The following TCF25 variants were observed in gnomAD, a reference collection of about 807,000 sequenced individuals.
The protein encoded by TCF25 is ribosome quality control complex subunit TCF25.
TCF25 carries 41 observed loss-of-function variants against 83.1 expected under a neutral mutation model. The ratio of observed to expected loss-of-function variants is 0.49; its 90% CI spans 0.38 to 0.64. The LOEUF (loss-of-function observed/expected upper bound fraction) is 0.64. Ranked by LOEUF, TCF25 falls within the 30% of genes least tolerant of loss-of-function variation. The pLI, the probability that TCF25 is intolerant of heterozygous loss-of-function variation, is 0.00. For missense variants in TCF25, 979 were observed against 914.5 expected (o/e 1.07, Z -0.91); for synonymous variants, 458 against 365.0 (o/e 1.25, Z -2.90).
intron 2 of TCF25, chr16:89,883,866 C>T (rs570542297): frequency 3.7e-4 from 82 of 219,782 alleles, no homozygotes; most frequent in Non-Finnish European, 1.2e-4. Context: ...AACTGTGCCC[C>T]GAACGTTTGC....
intron 1 of TCF25, 28 bp downstream of exon 1, chr16:89,873,887 GT>G: frequency 7.3e-6 from 11 of 1,498,740 alleles, no homozygotes; most frequent in Admixed American, 2.2e-5. Flanking sequence ...CCGGGTGGGG[GT>G]GGGGTGGCCC....
At position 89,910,668 on chromosome 16, in the gene TCF25, G is replaced by A. The variant is rs780154822; in HGVS notation, c.1872+5G>A. On this transcript the variant is annotated splice_donor_5th_base_variant and intron_variant, in intron 17 of 17. Coordinates refer to ENST00000263346, the MANE Select transcript of TCF25 (RefSeq NM_014972.3). ...TTGCCAAACTATACCATGGAGGTAG[G>A]TTGAGCTCGTCCCAGCCCCTGCCTC... 2 of 1,613,330 alleles carry A rather than the reference G, an allele frequency of 1.2e-6. No individual in the cohort carries two copies. Among genetic ancestry groups the A allele is most frequent in the African/African-American group, 1.3e-5 (1 of 75,076 alleles).
In TCF25 at chr16:89,896,056, G is replaced by T; in HGVS notation, c.995G>T (p.Arg332Leu). The T allele has an allele frequency of 6.2e-7, 1 of 1,613,780 alleles. No individual in the cohort carries two copies. Among genetic ancestry groups the T allele is most frequent in the Non-Finnish European group, 8.5e-7 (1 of 1,179,970 alleles). ...PLFSLTSGAC[R>L]LDYRRPENRS... ...TTCAGTCTCACCAGTGGGGCCTGCC[G>T]GCTGGATTACCGCAGACCCGAGAAC... The change falls in exon 9 of 18, where the codon CGG (arginine) becomes CTG (leucine). Residue 332 changes from arginine (R) to leucine (L), a missense_variant. Physicochemically the swap from Arg to Leu is moderately radical, Grantham distance 102. Coordinates refer to ENST00000263346, the MANE Select transcript of TCF25 (RefSeq NM_014972.3).
intron 6 of TCF25, among the ~76,000 whole-genome samples, chr16:89,893,016 G>C (rs1470178743): frequency 1.3e-5 from 2 of 152,240 alleles, no homozygotes; most frequent in African/African-American, 4.8e-5. Flanking sequence ...GGCCTGTGCT[G>C]TCAGAAGGTG....
chr16:89,891,236 G>A (rs548011031), intron 5 of TCF25, among the ~76,000 whole-genome samples: 219 of 152,330 alleles, frequency 1.4e-3, no homozygotes, highest in African/African-American at 4.5e-3. Flanking sequence ...ATAGCTCACC[G>A]CAGGTCAGGC....
chr16:89,886,270 A>G (rs1418695556), intron 4 of TCF25: 1 of 366,776 alleles, frequency 2.7e-6, no homozygotes, highest in African/African-American at 2.1e-5. Flanking sequence ...TACTAAAAAT[A>G]CAAAAAATTA....
At chr16:89,899,651 C>A (rs1371124438) in intron 11 of TCF25, among the ~76,000 whole-genome samples, 1 of 151,940 alleles carries the variant, frequency 6.6e-6, no homozygotes, top group Non-Finnish European at 1.5e-5. Context: ...TCGCTTGAAC[C>A]TGGGAGGTGG....
intron 16 of TCF25, among the ~76,000 whole-genome samples, 162 bp downstream of exon 16, chr16:89,907,484 C>G (rs1466097883): frequency 7.0e-6 from 1 of 142,236 alleles, no homozygotes; most frequent in African/African-American, 2.7e-5. Flanking sequence ...CTCCCACCTC[C>G]CAGCTCCCAC....
chr16:89,890,887 T>G (rs976009575), intron 5 of TCF25, among the ~76,000 whole-genome samples: 29 of 152,156 alleles, frequency 1.9e-4, no homozygotes, highest in African/African-American at 7.0e-4. Flanking sequence ...AAAATTTAAG[T>G]CCTACCAAAA....
intron 16 of TCF25, chr16:89,908,905 T>C: frequency 1.6e-6 from 2 of 1,281,478 alleles, no homozygotes; most frequent in Non-Finnish European, 2.0e-6. Context: ...ACTGGCTGCC[T>C]CTTTCAGACC....
At chr16:89,907,436 C>G (rs2044934581) in intron 16 of TCF25, 114 bp downstream of exon 16, 1 of 251,998 alleles carries the variant, frequency 4.0e-6, no homozygotes, top group Non-Finnish European at 6.7e-6. Flanking sequence ...TCCCACCTAG[C>G]AGCTCCCGGC....
chr16:89,896,189 C>T, intron 9 of TCF25, 106 bp downstream of exon 9: 1 of 955,786 alleles, frequency 1.0e-6, no homozygotes, highest in African/African-American at 1.6e-5. Flanking sequence ...CAGGGTGGAC[C>T]AGGGCCCACA....
At chr16:89,882,126 A>T (rs1396772076) in intron 1 of TCF25, among the ~76,000 whole-genome samples, 3 of 152,142 alleles carry the variant, frequency 2.0e-5, no homozygotes, top group Non-Finnish European at 2.9e-5. Context: ...TCTCCCCTCC[A>T]ATCTGTATGT....
chr16:89,895,551 G>A (rs1597337967), intron 8 of TCF25, among the ~76,000 whole-genome samples: 1 of 152,224 alleles, frequency 6.6e-6, no homozygotes, highest in African/African-American at 2.4e-5. Context: ...CATCCTCACT[G>A]TAGCGTCGAT....
In TCF25 at chr16:89,873,838, A is replaced by T; in HGVS notation, c.171A>T (p.Arg57=). 1.3e-6 allele frequency: 2 copies of T among 1,559,990 alleles called. No homozygotes were observed. The change falls in exon 1 of 18, where the codon CGA becomes CGT. Residue 57 remains arginine (R), a synonymous_variant. Coordinates refer to ENST00000263346, the MANE Select transcript of TCF25 (RefSeq NM_014972.3). The part of the protein sequence containing the change: ...RPGGAGKEGV[R]VNNRFELINI... ...GGGGCGCAGGGAAGGAGGGCGTCCG[A>T]GTCAACAACCGCTTCGAGCTGGTGA...
At chr16:89,900,843 C>A (rs149445736) in intron 12 of TCF25, 49 bp downstream of exon 12, 2 of 1,472,074 alleles carry the variant, frequency 1.4e-6, no homozygotes, top group South Asian at 1.4e-5. Context: ...TCCTGTCAGC[C>A]GTGGGGGCTG....
Position 89,895,128 on chromosome 16 carries a change from G to C in TCF25, c.919G>C (p.Asp307His). The C allele has an allele frequency of 6.2e-7, 1 of 1,612,456 alleles. No homozygotes were observed. The highest frequency in any genetic ancestry group is 1.1e-5 in the South Asian group (1 of 90,950). The stretch of plus-strand genomic sequence containing the variant: ...TCAAGAGGATCAGGAGATGGCTCGA[G>C]ACCTCGTAGGTAAGGCAGAGCCCCC... ...RFQEDQEMAR[D>H]LVERALYSME... The change falls in exon 8 of 18, where the codon GAC becomes CAC. Residue 307 changes from aspartate to histidine, a missense_variant. By Grantham distance (81) the Asp-to-His change is moderately conservative. Coordinates refer to ENST00000263346, the MANE Select transcript of TCF25 (RefSeq NM_014972.3).
chr16:89,895,004 G>T, intron 7 of TCF25, 34 bp from the exon 8 acceptor site: 1 of 1,593,340 alleles, frequency 6.3e-7, no homozygotes, highest in Non-Finnish European at 8.6e-7. Context: ...CTTGCTGAGT[G>T]CCTTTCCTCC....
rs1324786366 is a variant in TCF25, at chr16:89,911,067, C to A, written c.1873-13C>A. 5 of 1,610,462 alleles carry A rather than the reference C, an allele frequency of 3.1e-6. No individual in the cohort carries two copies. Among genetic ancestry groups the A allele is most frequent in the African/African-American group, 1.3e-5 (1 of 74,978 alleles). ...CAGACAGCCCCCTTCTCAGACATGT[C>A]CCCTTGCTGCAGGGGGAGAGGCCCG... is the stretch of plus-strand genomic sequence containing the variant. On this transcript the variant is annotated splice_polypyrimidine_tract_variant and intron_variant, in intron 17 of 17. Coordinates refer to ENST00000263346, the MANE Select transcript of TCF25 (RefSeq NM_014972.3).
Sources: gnomAD v4.1 joint callset for allele counts (sites outside exome capture counted in the v4.1 genomes callset) on GRCh38, gnomAD v4.1.1 for gene constraint, MANE v1.5 for transcripts, NCBI Gene and HGNC (gene_info 2026-07-23, HGNC 2026-07-21) for gene names.